AJAP1: variants seen among roughly 807,000 people sequenced by gnomAD.
AJAP1 encodes the protein adherens junction-associated protein 1.
In AJAP1, 5 loss-of-function variants were observed where a neutral mutation model predicts 35.0. That is an observed-to-expected ratio of 0.14 (90% CI 0.07 to 0.30). AJAP1 has a LOEUF of 0.30. Ranked by LOEUF, AJAP1 falls within the 10% of genes least tolerant of loss-of-function variation. The probability of loss-of-function intolerance (pLI) is 1.00; values close to 1 mark genes in which losing one functional copy is unlikely to be tolerated. For synonymous variants in AJAP1, 284 were observed against 249.3 expected (o/e 1.14, Z -1.31); for missense variants, 586 against 571.0 (o/e 1.03, Z -0.27).
intron 2 of AJAP1, among the ~76,000 whole-genome samples, chr1:4,728,214 G>A (rs538962746): frequency 9.8e-5 from 15 of 152,330 alleles, no homozygotes; most frequent in Middle Eastern, 6.8e-3. Flanking sequence ...AATGAGGGTC[G>A]TGGGCAGGGG....
At chr1:4,669,101 T>TA (rs1438847365) in intron 1 of AJAP1, among the ~76,000 whole-genome samples, 1 of 152,210 alleles carries the variant, frequency 6.6e-6, no homozygotes, top group Non-Finnish European at 1.5e-5. Context: ...TTTTAAAGTG[T>TA]AAACTTCAGT....
chr1:4,722,966 A>C (rs1369695119), intron 2 of AJAP1, among the ~76,000 whole-genome samples: 1 of 152,094 alleles, frequency 6.6e-6, no homozygotes, highest in African/African-American at 2.4e-5. Flanking sequence ...CTCATGGGAT[A>C]CACTGAAGAG....
At position 4,711,897 on chromosome 1, in the gene AJAP1, C is replaced by T. The variant is rs751652866; in HGVS notation, c.30-3C>T. The T allele has an allele frequency of 5.4e-6, 8 of 1,481,560 alleles. No homozygotes were observed. Among genetic ancestry groups the T allele is most frequent in the Admixed American group, 2.5e-5 (1 of 39,628 alleles). 91.8% of individuals were successfully genotyped at this position (1,481,560 alleles called of 1,614,324 possible). ...GCTCTTCTCTCCTTTCCCCCCCGCA[C>T]AGCTCCATGTCCATCCGCTGGCCGG... is the stretch of plus-strand genomic sequence containing the variant. On this transcript the variant is annotated splice_polypyrimidine_tract_variant and splice_region_variant and intron_variant, in intron 1 of 5. Transcript: ENST00000378191.
chr1:4,773,138 C>CT (rs1000095479), intron 4 of AJAP1, among the ~76,000 whole-genome samples: 25 of 151,388 alleles, frequency 1.7e-4, no homozygotes, highest in Non-Finnish European at 2.4e-4. Flanking sequence ...TATCAATAAG[C>CT]TTTTTTTTTA....
At chr1:4,719,474 G>A (rs1640469461) in intron 2 of AJAP1, among the ~76,000 whole-genome samples, 2 of 152,172 alleles carry the variant, frequency 1.3e-5, no homozygotes, top group Non-Finnish European at 2.9e-5. Flanking sequence ...CAGATTGGAA[G>A]GAAACAGGAG....
intron 2 of AJAP1, among the ~76,000 whole-genome samples, chr1:4,746,961 C>G (rs1027644457): frequency 6.6e-6 from 1 of 152,210 alleles, no homozygotes; most frequent in Admixed American, 6.5e-5. Flanking sequence ...GTAAAAGCAC[C>G]AGATTAGTCT....
intron 2 of AJAP1, among the ~76,000 whole-genome samples, chr1:4,757,183 C>T (rs1181780659): frequency 2.0e-5 from 3 of 152,214 alleles, no homozygotes; most frequent in Non-Finnish European, 4.4e-5. Flanking sequence ...CTCAGAAGAT[C>T]CTTTCCTTTG....
chr1:4,747,512 C>T (rs997346400), intron 2 of AJAP1, among the ~76,000 whole-genome samples: 3 of 152,202 alleles, frequency 2.0e-5, no homozygotes, highest in Non-Finnish European at 4.4e-5. Flanking sequence ...GCTGTGCCGC[C>T]CCCTTCCCTC....
intron 1 of AJAP1, among the ~76,000 whole-genome samples, chr1:4,688,114 G>T (rs6684528): frequency 0.16 from 24,687 of 152,194 alleles, 2,642 homozygotes; most frequent in Middle Eastern, 0.34. Flanking sequence ...GGCAGCTGAG[G>T]CTGGGCTGTG....
At chr1:4,707,697 T>A (rs1640129378) in intron 1 of AJAP1, among the ~76,000 whole-genome samples, 1 of 152,106 alleles carries the variant, frequency 6.6e-6, no homozygotes, top group African/African-American at 2.4e-5. Context: ...GCTTTGACTG[T>A]TGTGAGTTGT....
intron 2 of AJAP1, among the ~76,000 whole-genome samples, chr1:4,751,210 G>T (rs867789037): frequency 1.3e-5 from 2 of 152,090 alleles, no homozygotes; most frequent in Non-Finnish European, 2.9e-5. Flanking sequence ...GTCTGGACCC[G>T]GCAGAGCCTT....
intron 1 of AJAP1, among the ~76,000 whole-genome samples, chr1:4,672,370 T>G (rs1332332947): frequency 2.6e-5 from 4 of 152,146 alleles, no homozygotes; most frequent in African/African-American, 4.8e-5. Flanking sequence ...TCATCTTGGG[T>G]GCATTACAGT....
intron 1 of AJAP1, among the ~76,000 whole-genome samples, chr1:4,678,810 C>G (rs1249441447): frequency 3.3e-5 from 5 of 152,200 alleles, no homozygotes; most frequent in African/African-American, 1.2e-4. Context: ...GTCATTTGCT[C>G]TCTTTGGGCA....
At chr1:4,679,610 T>G (rs1200060508) in intron 1 of AJAP1, among the ~76,000 whole-genome samples, 1 of 152,146 alleles carries the variant, frequency 6.6e-6, no homozygotes, top group Non-Finnish European at 1.5e-5. Flanking sequence ...CTGAAATCTG[T>G]AGGGTAGAAT....
rs542031147 is a variant in AJAP1 at position 4,703,494 on chromosome 1, C to A, written c.30-8406C>A. On this transcript the variant is annotated intron_variant, in intron 1 of 5. Coordinates refer to ENST00000378191, the MANE Select transcript of AJAP1 (RefSeq NM_018836.4). The stretch of plus-strand genomic sequence containing the variant: ...TCTATCTGCTTTGGGAGACACTTTC[C>A]CTTTCTCTCAAGGGCAGAACCACCA... Among the ~76,000 whole-genome samples the A allele has an allele frequency of 2.0e-5, 3 of 152,264 alleles. No homozygotes were observed. The South Asian group carries it at 6.2e-4, about 32-fold the overall frequency.
rs1187771843 is a variant in AJAP1, at chr1:4,786,301, TG to T, written c.*3817del. On this transcript the variant is annotated 3_prime_UTR_variant, in exon 6 of 6. Coordinates refer to ENST00000378191, the MANE Select transcript of AJAP1 (RefSeq NM_018836.4). ...TTCTAGTCCTTGCCAATCTTGAACTTGAGTGGACTTCTCATATTACATTCAG... is the reference window on the plus strand; with the variant it reads ...TTCTAGTCCTTGCCAATCTTGAACTTAGTGGACTTCTCATATTACATTCAG... The T allele has an allele frequency of 6.6e-6, 1 of 152,196 alleles. No individual in the cohort carries two copies. The highest frequency in any genetic ancestry group is 1.5e-5 in the Non-Finnish European group (1 of 68,040). The allele number at this position is 152,196 out of a possible 1,614,324, so 9.4% of individuals were successfully genotyped here. A position where few individuals can be genotyped will look rare whatever the true frequency, so the allele number is the denominator to read the frequency against.
chr1:4,665,146 G>A (rs1639088079), intron 1 of AJAP1, among the ~76,000 whole-genome samples: 1 of 152,042 alleles, frequency 6.6e-6, no homozygotes, highest in South Asian at 2.1e-4. Context: ...GTACCCAGAT[G>A]CTGAAAAAAG....
At chr1:4,744,292 A>T (rs406065) in intron 2 of AJAP1, among the ~76,000 whole-genome samples, 98,158 of 152,068 alleles carry the variant, frequency 0.65, 32,558 homozygotes, top group Non-Finnish European at 0.68. Flanking sequence ...GTTTGTGTAA[A>T]GCTCTGTGAT....
intron 2 of AJAP1, among the ~76,000 whole-genome samples, chr1:4,766,480 AC>A (rs375779730): frequency 2.7e-4 from 41 of 152,096 alleles, no homozygotes; most frequent in African/African-American, 9.4e-4. Context: ...ATAATGAAGA[AC>A]CCTTATGAAT....
Sources: gnomAD v4.1 joint callset for allele counts (sites outside exome capture counted in the v4.1 genomes callset) on GRCh38, gnomAD v4.1.1 for gene constraint, MANE v1.5 for transcripts, NCBI Gene and HGNC (gene_info 2026-07-23, HGNC 2026-07-21) for gene names.